CAAP1: variants seen among roughly 807,000 people sequenced by gnomAD.
CAAP1 encodes the protein caspase activity and apoptosis inhibitor 1.
CAAP1 carries 20 observed loss-of-function variants against 34.0 expected under a neutral mutation model. That is an observed-to-expected ratio of 0.59 (90% CI 0.41 to 0.86). CAAP1 has a LOEUF of 0.86. CAAP1 is among the 40% of genes least tolerant of loss of function. The pLI, the probability that CAAP1 is intolerant of heterozygous loss-of-function variation, is 0.00. For missense variants in CAAP1, 538 were observed against 450.5 expected (o/e 1.19, Z -1.76); for synonymous variants, 213 against 166.7 (o/e 1.28, Z -2.14).
intron 4 of CAAP1, among the ~76,000 whole-genome samples, chr9:26,881,502 C>T (rs1455972205): frequency 1.3e-5 from 2 of 152,082 alleles, no homozygotes; most frequent in East Asian, 3.9e-4. Context: ...AAGGGGAAAC[C>T]CCTTTTGCTT....
intron 4 of CAAP1, among the ~76,000 whole-genome samples, chr9:26,884,479 G>A (rs1377987067): frequency 1.3e-5 from 2 of 152,100 alleles, no homozygotes; most frequent in Non-Finnish European, 2.9e-5. Context: ...TGTAGTACCT[G>A]GTAGAGTAAG....
intron 4 of CAAP1, among the ~76,000 whole-genome samples, chr9:26,870,916 C>T (rs762423753): frequency 2.6e-5 from 4 of 152,208 alleles, no homozygotes; most frequent in South Asian, 4.1e-4. Flanking sequence ...CGCGCCCAGC[C>T]GCAGGTCTAT....
chr9:26,847,198 A>ATATATTTTTTTTTTTT, intron 5 of CAAP1, among the ~76,000 whole-genome samples: 1 of 34,708 alleles, frequency 2.9e-5, no homozygotes, highest in Non-Finnish European at 5.0e-5. Flanking sequence ...AAAAAGCAAT[A>ATATATTTTTTTTTTTT]TTTTTTTTTT....
At chr9:26,862,453 C>T (rs1231111649) in intron 4 of CAAP1, among the ~76,000 whole-genome samples, 2 of 151,604 alleles carry the variant, frequency 1.3e-5, no homozygotes, top group African/African-American at 4.8e-5. Context: ...GTAACATCAC[C>T]AATAAGAGGA....
intron 4 of CAAP1, chr9:26,870,039 CTTTTTT>C (rs555433697): frequency 6.8e-5 from 19 of 277,638 alleles, no homozygotes; most frequent in South Asian, 4.5e-4. Flanking sequence ...GAAAGAATAA[CTTTTTT>C]TTTTTTTTTT....
chr9:26,882,906 G>A (rs1194643826), intron 4 of CAAP1, among the ~76,000 whole-genome samples: 1 of 152,134 alleles, frequency 6.6e-6, no homozygotes, highest in African/African-American at 2.4e-5. Context: ...CTGCCTCGCT[G>A]GATTTCAGAC....
intron 5 of CAAP1, among the ~76,000 whole-genome samples, chr9:26,848,337 C>T (rs908316235): frequency 2.6e-5 from 4 of 152,066 alleles, no homozygotes; most frequent in African/African-American, 9.7e-5. Flanking sequence ...CACAGTGAAG[C>T]CCCGTCTCTA....
At chr9:26,871,099 A>G (rs143191825) in intron 4 of CAAP1, among the ~76,000 whole-genome samples, 200 of 152,348 alleles carry the variant, frequency 1.3e-3, no homozygotes, top group African/African-American at 4.6e-3. Context: ...GCTGACACTT[A>G]CTGAGAGAGG....
chr9:26,859,315 C>T (rs1337653620), intron 5 of CAAP1, among the ~76,000 whole-genome samples: 1 of 152,202 alleles, frequency 6.6e-6, no homozygotes. Flanking sequence ...CACAGTACAA[C>T]AGCCTGTTGA....
intron 4 of CAAP1, among the ~76,000 whole-genome samples, chr9:26,868,501 T>C (rs932748446): frequency 6.6e-6 from 1 of 152,186 alleles, no homozygotes; most frequent in Admixed American, 6.5e-5. Context: ...TGCTGACACC[T>C]TGACCTCAGC....
intron 4 of CAAP1, among the ~76,000 whole-genome samples, chr9:26,869,174 T>C (rs1056142516): frequency 3.3e-5 from 5 of 152,042 alleles, no homozygotes; most frequent in Admixed American, 6.6e-5. Flanking sequence ...ATATGCTTGA[T>C]AATTTTCATA....
chr9:26,851,973 G>T (rs1822764027), intron 5 of CAAP1, among the ~76,000 whole-genome samples: 1 of 152,096 alleles, frequency 6.6e-6, no homozygotes, highest in South Asian at 2.1e-4. Flanking sequence ...GCTTTTGCTT[G>T]TTTAAATATA....
At chr9:26,862,588 T>C (rs772398559) in intron 4 of CAAP1, among the ~76,000 whole-genome samples, 3 of 152,126 alleles carry the variant, frequency 2.0e-5, no homozygotes, top group Non-Finnish European at 4.4e-5. Context: ...AGTAATGTTC[T>C]GTTAAGGAAA....
chr9:26,843,612 T>C (rs1822529735), intron 5 of CAAP1, among the ~76,000 whole-genome samples: 2 of 152,044 alleles, frequency 1.3e-5, no homozygotes, highest in South Asian at 4.1e-4. Flanking sequence ...TTTTAAAAAG[T>C]CATGATCCCC....
At chr9:26,868,481 T>C (rs990966321) in intron 4 of CAAP1, among the ~76,000 whole-genome samples, 2 of 152,106 alleles carry the variant, frequency 1.3e-5, no homozygotes, top group East Asian at 3.8e-4. Context: ...CTTCCAGAAA[T>C]AACCAGCCCT....
chr9:26,848,898 CATATAAATTTT>C (rs1360117288), intron 5 of CAAP1, among the ~76,000 whole-genome samples: 3 of 152,126 alleles, frequency 2.0e-5, no homozygotes, highest in Non-Finnish European at 2.9e-5. Flanking sequence ...ATAACATAAA[CATATAAATTTT>C]TTTTGTTTTG....
chr9:26,885,961 G>C (rs1823728974), intron 3 of CAAP1, 143 bp downstream of exon 3: 2 of 411,946 alleles, frequency 4.9e-6, no homozygotes, highest in Non-Finnish European at 8.8e-6. Flanking sequence ...ATATTTTTTA[G>C]TGCAAATAGA....
Position 26,860,836 on chromosome 9 carries a change from A to C in CAAP1, c.739+230T>G, listed in dbSNP as rs556392372. On this transcript the variant is annotated intron_variant, in intron 5 of 5. Coordinates refer to ENST00000333916, the MANE Select transcript of CAAP1 (RefSeq NM_024828.4). ...TTTAATTTAATAAATTACTGAAATAAAACTATTCAAGATGATAATTCTGGT... is the reference window on the plus strand; with the variant it reads ...TTTAATTTAATAAATTACTGAAATACAACTATTCAAGATGATAATTCTGGT... Among the ~76,000 whole-genome samples, 4 of 152,272 alleles carry C rather than the reference A, an allele frequency of 2.6e-5. No individual in the cohort carries two copies. In the East Asian group the frequency reaches 7.7e-4, roughly 29 times the overall value.
intron 2 of CAAP1, 117 bp downstream of exon 2, chr9:26,887,196 A>G (rs924659201): frequency 1.1e-5 from 7 of 654,456 alleles, no homozygotes; most frequent in Non-Finnish European, 1.7e-5. Flanking sequence ...TGGGCGACAG[A>G]GCAAGACTCC....
Sources: gnomAD v4.1 joint callset for allele counts (sites outside exome capture counted in the v4.1 genomes callset) on GRCh38, gnomAD v4.1.1 for gene constraint, MANE v1.5 for transcripts, NCBI Gene and HGNC (gene_info 2026-07-23, HGNC 2026-07-21) for gene names.